The following PRAP1 variants were observed in gnomAD, a reference collection of about 807,000 sequenced individuals.
The protein encoded by PRAP1 is proline rich acidic protein 1.
A neutral mutation model predicts 14.6 loss-of-function variants in PRAP1; 12 were observed. The ratio of observed to expected loss-of-function variants is 0.82; its 90% CI spans 0.53 to 1.33. PRAP1 has a LOEUF of 1.33. Among genes scored for constraint, PRAP1 ranks in the 40% most tolerant of loss-of-function variants. The probability of loss-of-function intolerance (pLI) is 0.00; values close to 1 mark genes in which losing one functional copy is unlikely to be tolerated. For synonymous variants in PRAP1, 81 were observed against 80.3 expected, an observed-to-expected ratio of 1.01 and a Z score of -0.04; for missense variants, 160 against 193.7, an observed-to-expected ratio of 0.83 and a Z score of 1.03.
chr10:133,352,202 C>T (rs1442756306), intron 4 of PRAP1, 45 bp from the exon 5 acceptor site: 2 of 1,610,554 alleles, frequency 1.2e-6, no homozygotes, highest in East Asian at 2.2e-5. Context: ...GACCAAGGGT[C>T]TCGGGAAAGA....
intron 1 of PRAP1, among the ~76,000 whole-genome samples, chr10:133,349,706 TCCATACCCAC>T (rs1302868769): frequency 1.3e-5 from 2 of 152,104 alleles, no homozygotes; most frequent in African/African-American, 2.4e-5. Flanking sequence ...CCCTCGCTGC[TCCATACCCAC>T]CCATACCCAC....
chr10:133,350,023 A>ATAAGGGTGCTGCCTGGAGT, intron 1 of PRAP1, 72 bp from the exon 2 acceptor site: 1 of 1,340,096 alleles, frequency 7.5e-7, no homozygotes, highest in Non-Finnish European at 1.0e-6. Context: ...CCAGCTGCCC[A>ATAAGGGTGCTGCCTGGAGT]TCAGGGTGCT....
Position 133,352,466 on chromosome 10 carries a change from G to A in PRAP1, c.*26G>A, listed in dbSNP as rs533588807. On this transcript the variant is annotated 3_prime_UTR_variant, in exon 5 of 5. Transcript: ENST00000433452. ...GGCTCCAGGGGCCATCACTGCCCCC[G>A]CCCTGTCCCAAGGCCCAGGCTGTTG... 28 of 1,598,678 alleles carry A rather than the reference G, an allele frequency of 1.8e-5. No homozygotes were observed. Among genetic ancestry groups the A allele is most frequent in the Non-Finnish European group, 2.1e-5 (24 of 1,169,690 alleles).
Position 133,351,380 on chromosome 10 carries a change from G to T in PRAP1, c.76-1G>T. ...AGCCCACACCTGTGACTCTCCCCCA[G>T]GTCCCTATCAAGATGCAAGTCAAAC... On this transcript the variant is annotated splice_acceptor_variant, in intron 2 of 4. Transcript: ENST00000433452. LOFTEE classifies it high-confidence loss of function. The surrounding 1 kb of genome is among the most constrained non-coding windows in gnomAD (Gnocchi z 4.3). 6.2e-7 allele frequency: 1 copy of T among 1,611,476 alleles called. No individual in the cohort carries two copies. The highest frequency in any genetic ancestry group is 8.5e-7 in the Non-Finnish European group (1 of 1,178,952).
At chr10:133,349,855 CAG>C (rs1022119802) in intron 1 of PRAP1, among the ~76,000 whole-genome samples, 1 of 152,196 alleles carries the variant, frequency 6.6e-6, no homozygotes, top group African/African-American at 2.4e-5. Context: ...CTGTGAGGAG[CAG>C]AGTCTGGGGC....
chr10:133,349,988 C>A, intron 1 of PRAP1, 107 bp from the exon 2 acceptor site: 1 of 967,436 alleles, frequency 1.0e-6, no homozygotes, highest in Non-Finnish European at 1.6e-6. Flanking sequence ...CCTGCGCTCC[C>A]AAGGAGGAAC....
intron 2 of PRAP1, chr10:133,350,477 G>C (rs1848659351): frequency 3.1e-6 from 1 of 317,600 alleles, no homozygotes; most frequent in South Asian, 8.4e-5. Flanking sequence ...CCCAGGTGGA[G>C]GAGGTGGGCC....
rs4838722 is a variant in PRAP1 at position 133,347,676 on chromosome 10, C to T, written c.8+251C>T. 0.93 allele frequency among the ~76,000 whole-genome samples: 141,116 copies of T among 151,890 alleles called. 65,723 individuals are homozygous for T. The highest frequency in any genetic ancestry group is 1 in the East Asian group (5,112 of 5,112). On this transcript the variant is annotated intron_variant, in intron 1 of 4. Transcript: ENST00000433452. This position sits in a 1 kb window ranked among gnomAD's most constrained non-coding sequence, Gnocchi z 5.0. ...GGAGAATCACCCAGGGACCCCCACCCGGAACAAGGAAAGGGGAGGTGCCAG... is the reference window on the plus strand; with the variant it reads ...GGAGAATCACCCAGGGACCCCCACCTGGAACAAGGAAAGGGGAGGTGCCAG...
At chr10:133,349,107 C>T (rs1848632990) in intron 1 of PRAP1, among the ~76,000 whole-genome samples, 1 of 151,038 alleles carries the variant, frequency 6.6e-6, no homozygotes, top group Non-Finnish European at 1.5e-5. Flanking sequence ...CGCACGCACA[C>T]ACAGACACAC....
chr10:133,352,173 C>G (rs762897408), intron 4 of PRAP1, 33 bp downstream of exon 4: 2 of 1,612,198 alleles, frequency 1.2e-6, no homozygotes, highest in Admixed American at 1.7e-5. Context: ...AGAGTCCGCT[C>G]GTGGGGTTGA....
In PRAP1 at chr10:133,352,563, T is replaced by C. The variant is rs1848699870; in HGVS notation, c.*123T>C. 1 of 796,682 alleles carries C rather than the reference T, an allele frequency of 1.3e-6. No homozygotes were observed. Among genetic ancestry groups the C allele is most frequent in the Non-Finnish European group, 2.0e-6 (1 of 498,664 alleles). 49.4% of individuals were successfully genotyped at this position (796,682 alleles called of 1,614,324 possible). On this transcript the variant is annotated 3_prime_UTR_variant, in exon 5 of 5. Transcript: ENST00000433452. ...AGCAGGCCGGGCGCGGTGGCTCACC[T>C]CTGTAATCCCAGCACTTTTAGAGGC... is the stretch of plus-strand genomic sequence containing the variant.
In PRAP1 at chr10:133,352,424, T is replaced by A. The variant is rs1848696860; in HGVS notation, c.440T>A (p.Ile147Asn). 1 of 1,612,450 alleles carries A rather than the reference T, an allele frequency of 6.2e-7. No individual in the cohort carries two copies. The highest frequency in any genetic ancestry group is 2.2e-5 in the East Asian group (1 of 44,862). Reference protein sequence around the residue: ...LLGPEEDQDHIYHPQ With the variant: ...LLGPEEDQDHNYHPQ ...GGACCGGAGGAAGACCAAGACCACA[T>A]CTACCACCCCCAGTAGGGCTCCAGG... is the stretch of plus-strand genomic sequence containing the variant. Residue 147 changes from isoleucine (I) to asparagine (N), a missense_variant, in exon 5 of 5, where the codon ATC (isoleucine) becomes AAC (asparagine). Coordinates refer to ENST00000433452, the MANE Select transcript of PRAP1 (RefSeq NM_145202.5).
chr10:133,347,557 A>AAGG lies in PRAP1; in HGVS notation c.8+136_8+138dup. On this transcript the variant is annotated intron_variant, in intron 1 of 4. Coordinates refer to ENST00000433452, the MANE Select transcript of PRAP1 (RefSeq NM_145202.5). The surrounding 1 kb of genome is among the most constrained non-coding windows in gnomAD (Gnocchi z 5.0). Reference sequence around the variant, plus strand: ...AGGGGAGTGTGCGGGTGGGAGGGAGAAGGAGGGGCCCTCTGAGGGTCTGGG... The same window carrying AAGG: ...AGGGGAGTGTGCGGGTGGGAGGGAGAAGGAGGAGGGGCCCTCTGAGGGTCTGGG... 1.1e-6 allele frequency: 1 copy of AAGG among 915,088 alleles called. No individual in the cohort carries two copies. Among genetic ancestry groups the AAGG allele is most frequent in the Non-Finnish European group, 1.6e-6 (1 of 617,502 alleles). The allele number at this position is 915,088 out of a possible 1,614,324, so 56.7% of individuals were successfully genotyped here. A position where few individuals can be genotyped will look rare whatever the true frequency, so the allele number is the denominator to read the frequency against.
Position 133,352,023 on chromosome 10 carries a change from G to A in PRAP1, c.145G>A (p.Val49Met), listed in dbSNP as rs780481989. Residue 49 changes from valine (V) to methionine (M), a missense_variant, in exon 4 of 5, where the codon GTG becomes ATG. By Grantham distance (21) the Val-to-Met change is conservative (BLOSUM62 1). Coordinates refer to ENST00000433452, the MANE Select transcript of PRAP1 (RefSeq NM_145202.5). ...TGCCAGCAGGGCCTGGGGCGCCCGTGTGGTGGAGCCTCCGGAGAAGGACGA... is the reference window on the plus strand; with the variant it reads ...TGCCAGCAGGGCCTGGGGCGCCCGTATGGTGGAGCCTCCGGAGAAGGACGA... ...QDPEKAWGAR[V>M]VEPPEKDDQL... 9 of 1,612,860 alleles carry A rather than the reference G, an allele frequency of 5.6e-6. No individual in the cohort carries two copies. The highest frequency in any genetic ancestry group is 2.2e-5 in the South Asian group (2 of 91,078).
chr10:133,352,226 CCTT>C lies in PRAP1; in HGVS notation c.263-19_263-17del. The C allele has an allele frequency of 6.2e-7, 1 of 1,611,928 alleles. No individual in the cohort carries two copies. Among genetic ancestry groups the C allele is most frequent in the Non-Finnish European group, 8.5e-7 (1 of 1,179,296 alleles). ...TCTCGGGAAAGAAACTGAGACTATA[CCTT>C]CATGTGCTTGTCCCTAGGCACCAAG... On this transcript the variant is annotated intron_variant, in intron 4 of 4. Transcript: ENST00000433452.
rs372850540 is a variant in PRAP1 at position 133,352,465 on chromosome 10, C to G, written c.*25C>G. On this transcript the variant is annotated 3_prime_UTR_variant, in exon 5 of 5. Coordinates refer to ENST00000433452, the MANE Select transcript of PRAP1 (RefSeq NM_145202.5). Reference sequence around the variant, plus strand: ...GGGCTCCAGGGGCCATCACTGCCCCCGCCCTGTCCCAAGGCCCAGGCTGTT... The same window carrying G: ...GGGCTCCAGGGGCCATCACTGCCCCGGCCCTGTCCCAAGGCCCAGGCTGTT... The G allele has an allele frequency of 1.9e-6, 3 of 1,597,856 alleles. No individual in the cohort carries two copies. Among genetic ancestry groups the G allele is most frequent in the Non-Finnish European group, 2.6e-6 (3 of 1,168,988 alleles).
rs1489201704 is a variant in PRAP1, at chr10:133,347,388, G to C, written c.-30G>C. ...GGGATCAGCCACTGCAGCTCCCTGA[G>C]CACTCTCTACAGAGACGCGGACCCC... On this transcript the variant is annotated 5_prime_UTR_variant, in exon 1 of 5. Transcript: ENST00000433452. The surrounding 1 kb of genome is among the most constrained non-coding windows in gnomAD (Gnocchi z 5.0). 2 of 1,613,334 alleles carry C rather than the reference G, an allele frequency of 1.2e-6. No individual in the cohort carries two copies. The highest frequency in any genetic ancestry group is 1.7e-6 in the Non-Finnish European group (2 of 1,179,608).
In PRAP1 at chr10:133,348,097, C is replaced by T. The variant is rs146724558; in HGVS notation, c.8+672C>T. 4.5e-3 allele frequency among the ~76,000 whole-genome samples: 689 copies of T among 152,306 alleles called. 6 individuals are homozygous for T. Among genetic ancestry groups the T allele is most frequent in the African/African-American group, 0.016 (657 of 41,562 alleles). On this transcript the variant is annotated intron_variant, in intron 1 of 4. Transcript: ENST00000433452. ...GAGGGGACCCACGGGGATCCCACAG[C>T]CAGGCTGCTTGGCAGTCACCACCGA...
In PRAP1 at chr10:133,352,386, C is replaced by A; in HGVS notation, c.402C>A (p.His134Gln). Reference sequence around the variant, plus strand: ...CCCGGTTGTGGGTGATGCCAAATCACCAGGTGCTCCTGGGACCGGAGGAAG... The same window carrying A: ...CCCGGTTGTGGGTGATGCCAAATCAACAGGTGCTCCTGGGACCGGAGGAAG... The part of the protein sequence containing the change: ...ERPRLWVMPN[H>Q]QVLLGPEEDQ... Residue 134 changes from histidine to glutamine, a missense_variant, in exon 5 of 5, where the codon CAC (histidine) becomes CAA (glutamine). Coordinates refer to ENST00000433452, the MANE Select transcript of PRAP1 (RefSeq NM_145202.5). The A allele has an allele frequency of 6.2e-7, 1 of 1,612,974 alleles. No homozygotes were observed. The highest frequency in any genetic ancestry group is 1.1e-5 in the South Asian group (1 of 91,078).
Sources: allele counts gnomAD v4.1 joint callset (sites outside exome capture counted in the v4.1 genomes callset), GRCh38; gene constraint gnomAD v4.1.1; non-coding constraint Gnocchi (gnomAD v3.1); transcripts MANE v1.5; gene names NCBI Gene and HGNC (gene_info 2026-07-23, HGNC 2026-07-21).